Variants in ACBD6 observed in about 807,000 individuals in gnomAD.
ACBD6 encodes acyl-CoA-binding domain-containing protein 6.
Under a neutral mutation model 37.2 loss-of-function variants are expected in ACBD6, and 28 were observed. The observed-to-expected ratio is 0.75, with a 90% CI of 0.56 to 1.03. The LOEUF (loss-of-function observed/expected upper bound fraction) is 1.03. Among genes scored for constraint, ACBD6 ranks in the 50% least tolerant of loss-of-function variants. The pLI is 0.00. For synonymous variants in ACBD6, 113 were observed against 126.8 expected, an observed-to-expected ratio of 0.89 and a Z score of 0.73; for missense variants, 340 against 337.4, an observed-to-expected ratio of 1.01 and a Z score of -0.06.
intron 3 of ACBD6, among the ~76,000 whole-genome samples, chr1:180,464,923 C>A (rs931357302): frequency 1.8e-4 from 27 of 151,982 alleles, no homozygotes; most frequent in Admixed American, 9.2e-4. Context: ...CTGACAAAAG[C>A]AATGAGGAAA....
intron 5 of ACBD6, among the ~76,000 whole-genome samples, chr1:180,404,751 C>A (rs1256542980): frequency 1.3e-5 from 2 of 152,132 alleles, no homozygotes; most frequent in Non-Finnish European, 2.9e-5. Flanking sequence ...AGCCACAGCA[C>A]CTGGCCTCAT....
chr1:180,389,863 T>C (rs1470301164), intron 6 of ACBD6, among the ~76,000 whole-genome samples: 1 of 152,208 alleles, frequency 6.6e-6, no homozygotes. Context: ...GTTTTTTTCT[T>C]GTAAATTGGT....
intron 3 of ACBD6, among the ~76,000 whole-genome samples, chr1:180,471,044 T>C (rs761957095): frequency 6.6e-6 from 1 of 152,170 alleles, no homozygotes. Context: ...ACTTAAGAAT[T>C]TGTTCTTCTG....
chr1:180,290,454 G>A (rs1303462297), intron 7 of ACBD6, among the ~76,000 whole-genome samples: 1 of 152,180 alleles, frequency 6.6e-6, no homozygotes, highest in African/African-American at 2.4e-5. Flanking sequence ...TGGGATTACA[G>A]GCATACACCA....
intron 1 of ACBD6, among the ~76,000 whole-genome samples, chr1:180,499,000 A>T (rs1651847833): frequency 6.6e-6 from 1 of 152,034 alleles, no homozygotes; most frequent in South Asian, 2.1e-4. Flanking sequence ...AGGACCAAAA[A>T]ATTGTTCATT....
At chr1:180,382,662 T>TA (rs1368239954) in intron 6 of ACBD6, among the ~76,000 whole-genome samples, 5 of 151,892 alleles carry the variant, frequency 3.3e-5, no homozygotes, top group Admixed American at 2.0e-4. Flanking sequence ...AACCATTCTT[T>TA]AAAAAAAACT....
At chr1:180,314,182 G>A (rs1368644060) in intron 7 of ACBD6, among the ~76,000 whole-genome samples, 1 of 152,128 alleles carries the variant, frequency 6.6e-6, no homozygotes, top group African/African-American at 2.4e-5. Context: ...TCTGTTGCTA[G>A]TATAGAAACA....
intron 6 of ACBD6, among the ~76,000 whole-genome samples, chr1:180,355,432 C>T (rs895652661): frequency 6.6e-6 from 1 of 152,148 alleles, no homozygotes; most frequent in Non-Finnish European, 1.5e-5. Context: ...AAGTGCATGT[C>T]CTGTACTGAC....
At chr1:180,326,505 GA>G (rs1651264283) in intron 6 of ACBD6, 1 of 152,480 alleles carries the variant, frequency 6.6e-6, no homozygotes, top group Admixed American at 6.5e-5. Flanking sequence ...CCTAGGCATG[GA>G]ATCAGGCACC....
intron 6 of ACBD6, among the ~76,000 whole-genome samples, chr1:180,322,642 T>C (rs10798745): frequency 0.55 from 83,420 of 151,624 alleles, 25,384 homozygotes; most frequent in South Asian, 0.75. Context: ...TATTGACATA[T>C]AGTTAGTTGC....
intron 3 of ACBD6, among the ~76,000 whole-genome samples, chr1:180,479,759 G>A (rs935706245): frequency 1.3e-5 from 2 of 152,048 alleles, no homozygotes; most frequent in Admixed American, 6.6e-5. Flanking sequence ...AGGCGGAGGC[G>A]GGTGGATTGC....
intron 3 of ACBD6, chr1:180,435,986 A>G: frequency 1.0e-6 from 1 of 967,180 alleles, no homozygotes; most frequent in South Asian, 1.3e-5. Flanking sequence ...ATTTTGCAGC[A>G]TAGCTACCTT....
intron 3 of ACBD6, among the ~76,000 whole-genome samples, chr1:180,464,898 T>C (rs1049922784): frequency 2.0e-5 from 3 of 152,112 alleles, no homozygotes; most frequent in Non-Finnish European, 2.9e-5. Flanking sequence ...TATGACCAAC[T>C]GATCTTTGAC....
At chr1:180,271,247 G>A (rs768861324) in exon 14 of ACBD6, 2 of 970,678 alleles carry the variant, frequency 2.1e-6, no homozygotes, top group Non-Finnish European at 3.3e-6. Context: ...CCACTCTGAT[G>A]TCCCCTGTGC....
chr1:180,427,741 G>A (rs1648644312), intron 4 of ACBD6, among the ~76,000 whole-genome samples: 1 of 151,990 alleles, frequency 6.6e-6, no homozygotes, highest in Non-Finnish European at 1.5e-5. Context: ...GGCTAATATG[G>A]TGAAACCCTG....
At chr1:180,346,515 T>C (rs1487122568) in intron 6 of ACBD6, among the ~76,000 whole-genome samples, 2 of 151,936 alleles carry the variant, frequency 1.3e-5, no homozygotes, top group African/African-American at 2.4e-5. Flanking sequence ...AAGAAACAAA[T>C]AGCCATGTTG....
chr1:180,362,644 T>G (rs193285355), intron 6 of ACBD6, among the ~76,000 whole-genome samples: 2 of 152,354 alleles, frequency 1.3e-5, no homozygotes, highest in African/African-American at 4.8e-5. Flanking sequence ...TTTTCTTTCT[T>G]AGCTGTTGGC....
At chr1:180,313,663 C>T (rs1295600511) in intron 7 of ACBD6, among the ~76,000 whole-genome samples, 4 of 152,108 alleles carry the variant, frequency 2.6e-5, no homozygotes, top group African/African-American at 4.8e-5. Context: ...GTGTAAATAC[C>T]GATGGCTGTC....
chr1:180,356,383 A>C (rs1652629871), intron 6 of ACBD6, among the ~76,000 whole-genome samples: 1 of 140,294 alleles, frequency 7.1e-6, no homozygotes. Flanking sequence ...TGTCGCCCAG[A>C]CTGGTCTTGA....
Sources: gnomAD v4.1 joint callset for allele counts (sites outside exome capture counted in the v4.1 genomes callset) on GRCh38, gnomAD v4.1.1 for gene constraint, MANE v1.5 for transcripts, NCBI Gene and HGNC (gene_info 2026-07-23, HGNC 2026-07-21) for gene names.